AKAP9: variants seen among roughly 807,000 people sequenced by gnomAD.
The protein encoded by AKAP9 is A-kinase anchor protein 9.
A neutral mutation model predicts 488.5 loss-of-function variants in AKAP9; 311 were observed. The ratio of observed to expected loss-of-function variants is 0.64; its 90% CI spans 0.58 to 0.70. The LOEUF is 0.70. Ranked by LOEUF, AKAP9 falls within the 30% of genes least tolerant of loss-of-function variation. The pLI is 0.00. For missense variants in AKAP9, 4,215 were observed against 4,374.5 expected, an observed-to-expected ratio of 0.96 and a Z score of 1.03; for synonymous variants, 1,462 against 1,483.5, an observed-to-expected ratio of 0.99 and a Z score of 0.33.
At chr7:92,026,737 C>T (rs1803224533) in intron 14 of AKAP9, among the ~76,000 whole-genome samples, 1 of 152,228 alleles carries the variant, frequency 6.6e-6, no homozygotes, top group Non-Finnish European at 1.5e-5. Context: ...AGATTACAGC[C>T]TCTGCCCGGC....
chr7:92,011,807 T>TA (rs1800787608), intron 8 of AKAP9, among the ~76,000 whole-genome samples: 2 of 152,154 alleles, frequency 1.3e-5, no homozygotes, highest in Non-Finnish European at 2.9e-5. Context: ...CCTGGTGACA[T>TA]AACAGTGAAT....
intron 46 of AKAP9, among the ~76,000 whole-genome samples, chr7:92,103,034 G>T (rs1362283884): frequency 6.6e-6 from 1 of 152,020 alleles, no homozygotes; most frequent in East Asian, 1.9e-4. Flanking sequence ...TATGAAAAGG[G>T]CCTTCCTAGG....
At chr7:92,003,267 C>T (rs1425332564) in intron 8 of AKAP9, 32 bp downstream of exon 8, 1 of 1,486,432 alleles carries the variant, frequency 6.7e-7, no homozygotes, top group Non-Finnish European at 9.3e-7. Context: ...TGGTAAAGCA[C>T]AATGAAAAAA....
chr7:92,025,095 A>G (rs141856288), intron 14 of AKAP9, among the ~76,000 whole-genome samples: 2 of 152,320 alleles, frequency 1.3e-5, no homozygotes, highest in African/African-American at 4.8e-5. Flanking sequence ...TTAACAATAT[A>G]ATTCAGAGGC....
rs751250535 is a variant in AKAP9, at chr7:91,993,003, A to T, written c.524A>T (p.Asn175Ile). The T allele has an allele frequency of 7.4e-6, 12 of 1,614,016 alleles. No individual in the cohort carries two copies. The East Asian group carries it at 2.7e-4, about 36-fold the overall frequency. ...AAGCAGCATGAGATTGAAGAGCTAAACAGAGAGCTGGAAGAAATGAGGGTT... is the reference window on the plus strand; with the variant it reads ...AAGCAGCATGAGATTGAAGAGCTAATCAGAGAGCTGGAAGAAATGAGGGTT... ...AGKQHEIEEL[N>I]RELEEMRVTY... Residue 175 changes from asparagine (N) to isoleucine (I), a missense_variant, in exon 5 of 50, where the codon AAC becomes ATC. Asn to Ile is a moderately radical substitution (Grantham distance 149). Around this residue, in one of 5 missense-constraint regions of AKAP9, gnomAD observed 2,361 missense variants for 2,430.0 expected, o/e 0.97. Coordinates refer to ENST00000356239, the MANE Select transcript of AKAP9 (RefSeq NM_005751.5).
chr7:91,962,462 C>T (rs1032736401), intron 1 of AKAP9, among the ~76,000 whole-genome samples: 2 of 152,098 alleles, frequency 1.3e-5, no homozygotes, highest in Admixed American at 6.5e-5. Context: ...TAAATATGCC[C>T]GTTAAACTGT....
intron 14 of AKAP9, among the ~76,000 whole-genome samples, chr7:92,027,409 G>A (rs1803447338): frequency 6.9e-6 from 1 of 145,358 alleles, no homozygotes; most frequent in Non-Finnish European, 1.5e-5. Context: ...TGTCTGGAAA[G>A]TGAGGAGCGC....
At chr7:92,073,678 A>G (rs1180803367) in intron 28 of AKAP9, among the ~76,000 whole-genome samples, 1 of 152,178 alleles carries the variant, frequency 6.6e-6, no homozygotes, top group Non-Finnish European at 1.5e-5. Flanking sequence ...CCTAGTACTA[A>G]ACTAGAGCCT....
intron 14 of AKAP9, among the ~76,000 whole-genome samples, chr7:92,025,473 T>C (rs1802964895): frequency 6.6e-6 from 1 of 152,262 alleles, no homozygotes; most frequent in South Asian, 2.1e-4. Context: ...TTTGTGTAAA[T>C]AGCATCACAT....
chr7:92,065,667 T>C (rs1810655831), intron 25 of AKAP9, among the ~76,000 whole-genome samples: 1 of 152,184 alleles, frequency 6.6e-6, no homozygotes, highest in Non-Finnish European at 1.5e-5. Context: ...AGAATTAAAA[T>C]CAGTACATTT....
intron 33 of AKAP9, 120 bp from the exon 34 acceptor site, chr7:92,084,520 T>A: frequency 1.4e-6 from 1 of 693,512 alleles, no homozygotes; most frequent in Non-Finnish European, 2.4e-6. Context: ...ATAATTTCAT[T>A]TATTATGAAA....
intron 8 of AKAP9, among the ~76,000 whole-genome samples, chr7:92,007,573 A>C (rs564706505): frequency 6.6e-6 from 1 of 152,360 alleles, no homozygotes; most frequent in South Asian, 2.1e-4. Flanking sequence ...AGGAGGCTTG[A>C]ATAAATGAAA....
At position 92,022,997 on chromosome 7, in the gene AKAP9, C is replaced by T. The variant is rs767728528; in HGVS notation, c.4136C>T (p.Thr1379Met). The T allele has an allele frequency of 1.7e-5, 28 of 1,613,466 alleles. No homozygotes were observed. Among genetic ancestry groups the T allele is most frequent in the African/African-American group, 4.0e-5 (3 of 74,928 alleles). The change falls in exon 14 of 50, where the codon ACG (threonine) becomes ATG (methionine). Residue 1379 changes from threonine to methionine, a missense_variant. This residue lies in a region of AKAP9 where 2,361 missense variants were observed against 2,430.0 expected (regional missense o/e 0.97). Transcript: ENST00000356239. ...AGGCTTCAAGCTGTTAGTGAGTCCA[C>T]GGTTCCGCCAAGGTATTCATCTGCT... is the stretch of plus-strand genomic sequence containing the variant. ...QKRLQAVSESTVPPSLPVDSV... is the reference protein window; with the variant it reads ...QKRLQAVSESMVPPSLPVDSV...
chr7:91,981,597 G>A (rs1266009723), intron 3 of AKAP9, among the ~76,000 whole-genome samples: 1 of 131,264 alleles, frequency 7.6e-6, no homozygotes, highest in Non-Finnish European at 1.6e-5. Context: ...TTTATATCTT[G>A]TATTTCTTTT....
At chr7:92,087,928 A>G (rs1304313293) in intron 37 of AKAP9, among the ~76,000 whole-genome samples, 1 of 151,776 alleles carries the variant, frequency 6.6e-6, no homozygotes, top group Admixed American at 6.6e-5. Context: ...ATGGAATGAC[A>G]GCTAGTAAAT....
chr7:92,031,626 A>G, intron 16 of AKAP9, 22 bp downstream of exon 16: 1 of 1,532,044 alleles, frequency 6.5e-7, no homozygotes, highest in Non-Finnish European at 9.0e-7. Flanking sequence ...GCTTATCTGG[A>G]AGATTATCTT....
chr7:91,946,077 T>C (rs1272361705), intron 1 of AKAP9, among the ~76,000 whole-genome samples: 2 of 152,176 alleles, frequency 1.3e-5, no homozygotes, highest in East Asian at 3.8e-4. Context: ...GTAGTTCCAA[T>C]TGTGTACAAA....
Position 92,003,174 on chromosome 7 carries a change from C to T in AKAP9, c.3257C>T (p.Ala1086Val). Residue 1086 changes from alanine to valine, a missense_variant, in exon 8 of 50, where the codon GCA becomes GTA. Around this residue, in one of 5 missense-constraint regions of AKAP9, gnomAD observed 2,361 missense variants for 2,430.0 expected, o/e 0.97. Transcript: ENST00000356239. ...PSVTKESSLR[A>V]TQPSENDKLQ... ...GTAACAAAGGAATCATCACTTAGAG[C>T]AACTCAACCAAGTGAAAATGATAAA... 1 of 1,611,072 alleles carries T rather than the reference C, an allele frequency of 6.2e-7. No individual in the cohort carries two copies. The highest frequency in any genetic ancestry group is 8.5e-7 in the Non-Finnish European group (1 of 1,178,432).
chr7:92,094,934 C>A, intron 39 of AKAP9, 89 bp from the exon 40 acceptor site: 2 of 1,194,596 alleles, frequency 1.7e-6, no homozygotes, highest in Non-Finnish European at 2.5e-6. Context: ...TTATATGCCT[C>A]AACTTATCAG....
Sources: gnomAD v4.1 joint callset for allele counts (sites outside exome capture counted in the v4.1 genomes callset) on GRCh38, gnomAD v4.1.1 for gene constraint, gnomAD v4.1.1 regional missense constraint, MANE v1.5 for transcripts, NCBI Gene and HGNC (gene_info 2026-07-23, HGNC 2026-07-21) for gene names.